Variants in KIF16B observed in about 807,000 individuals in gnomAD.
KIF16B encodes kinesin family member 16B.
Under a neutral mutation model 156.3 loss-of-function variants are expected in KIF16B, and 98 were observed. The observed-to-expected ratio is 0.63, with a 90% CI of 0.53 to 0.74. KIF16B has a LOEUF of 0.74. Ranked by LOEUF, KIF16B falls within the 30% of genes least tolerant of loss-of-function variation. KIF16B has a pLI of 0.00. For missense variants in KIF16B, 1,421 were observed against 1,606.5 expected (o/e 0.88, Z 1.97); for synonymous variants, 564 against 583.7 (o/e 0.97, Z 0.49).
chr20:16,491,121 G>A (rs1337234439), intron 12 of KIF16B, among the ~76,000 whole-genome samples: 2 of 152,156 alleles, frequency 1.3e-5, no homozygotes, highest in African/African-American at 4.8e-5. Flanking sequence ...GGGGAGGCGG[G>A]CTTCAAGATG....
intron 1 of KIF16B, among the ~76,000 whole-genome samples, chr20:16,532,828 A>C (rs2069809235): frequency 6.6e-6 from 1 of 152,202 alleles, no homozygotes; most frequent in East Asian, 1.9e-4. Context: ...CTTGCCTAGA[A>C]AACAAAGTAA....
intron 10 of KIF16B, among the ~76,000 whole-genome samples, chr20:16,504,084 T>C (rs935732839): frequency 1.3e-5 from 2 of 152,222 alleles, no homozygotes; most frequent in East Asian, 3.8e-4. Context: ...CTTAAAGAGA[T>C]TATGCCATTA....
chr20:16,515,537 AAAC>A lies in KIF16B; in HGVS notation c.348+8_348+10del. Reference sequence around the variant, plus strand: ...GAGAAATTTCCTTCCCACACAGTATAAACAACGTACAGAATTTCCCATCATAGT... The same window carrying A: ...GAGAAATTTCCTTCCCACACAGTATAAACGTACAGAATTTCCCATCATAGT... On this transcript the variant is annotated splice_region_variant and intron_variant, in intron 4 of 25. Coordinates refer to ENST00000354981, the MANE Select transcript of KIF16B (RefSeq NM_024704.5). 1 of 1,400,056 alleles carries A rather than the reference AAAC, an allele frequency of 7.1e-7. No homozygotes were observed. Among genetic ancestry groups the A allele is most frequent in the Non-Finnish European group, 1.0e-6 (1 of 985,090 alleles). 86.7% of individuals were successfully genotyped at this position (1,400,056 alleles called of 1,614,324 possible). A position where few individuals can be genotyped will look rare whatever the true frequency, so the allele number is the denominator to read the frequency against.
At chr20:16,413,666 G>A (rs955429297) in intron 15 of KIF16B, among the ~76,000 whole-genome samples, 4 of 151,992 alleles carry the variant, frequency 2.6e-5, no homozygotes, top group East Asian at 3.9e-4. Context: ...ATTCTGTTTC[G>A]AGACTCCTAG....
At chr20:16,522,346 C>G (rs1025645040) in intron 3 of KIF16B, among the ~76,000 whole-genome samples, 15 of 151,948 alleles carry the variant, frequency 9.9e-5, no homozygotes, top group Non-Finnish European at 2.2e-4. Flanking sequence ...AAATGGAAAG[C>G]AAAAAATAGC....
rs1355462090 is a variant in KIF16B at position 16,335,914 on chromosome 20, T to A, written c.3711+12A>T. 3 of 1,521,918 alleles carry A rather than the reference T, an allele frequency of 2.0e-6. No homozygotes were observed. The allele number at this position is 1,521,918 out of a possible 1,614,324, so 94.3% of individuals were successfully genotyped here. On this transcript the variant is annotated intron_variant, in intron 24 of 25. Transcript: ENST00000354981. ...AATGCTCTTAATCGGAGATAATAAT[T>A]TCATAACTTACCTCTGCATACTTTA...
chr20:16,365,857 T>A (rs2064652311), intron 22 of KIF16B, among the ~76,000 whole-genome samples: 3 of 152,114 alleles, frequency 2.0e-5, no homozygotes, highest in Admixed American at 1.3e-4. Flanking sequence ...CTCAGCTGCA[T>A]CCAACGTCCA....
intron 1 of KIF16B, among the ~76,000 whole-genome samples, chr20:16,569,235 T>C (rs2071372427): frequency 6.6e-6 from 1 of 152,170 alleles, no homozygotes; most frequent in Non-Finnish European, 1.5e-5. Context: ...CAGTTTACAG[T>C]ATTTTGTTAG....
chr20:16,292,457 G>T (rs1167359516), intron 25 of KIF16B, among the ~76,000 whole-genome samples: 1 of 152,172 alleles, frequency 6.6e-6, no homozygotes, highest in East Asian at 1.9e-4. Flanking sequence ...AAATAAAGAT[G>T]CAGTTTACAC....
At chr20:16,411,440 C>A (rs1202160682) in intron 15 of KIF16B, among the ~76,000 whole-genome samples, 1 of 152,120 alleles carries the variant, frequency 6.6e-6, no homozygotes, top group African/African-American at 2.4e-5. Flanking sequence ...CATCCTGTTT[C>A]TCTAACAGCT....
chr20:16,445,256 T>A (rs545283873), intron 12 of KIF16B, among the ~76,000 whole-genome samples: 1 of 152,154 alleles, frequency 6.6e-6, no homozygotes, highest in Non-Finnish European at 1.5e-5. Flanking sequence ...TTATTTGTTT[T>A]TATTGCCATT....
intron 7 of KIF16B, among the ~76,000 whole-genome samples, 182 bp from the exon 8 acceptor site, chr20:16,506,372 A>G (rs756793773): frequency 5.9e-5 from 9 of 152,206 alleles, no homozygotes; most frequent in Admixed American, 4.6e-4. Flanking sequence ...TCCAATGCAA[A>G]AGAAGTTACT....
At chr20:16,435,031 CT>C (rs1411241625) in intron 12 of KIF16B, among the ~76,000 whole-genome samples, 1 of 152,050 alleles carries the variant, frequency 6.6e-6, no homozygotes, top group African/African-American at 2.4e-5. Context: ...TACTTTTTAA[CT>C]TAAAAAAGTT....
chr20:16,544,578 G>T lies in KIF16B; in HGVS notation c.48-16138C>A, dbSNP rs372425585. On this transcript the variant is annotated intron_variant, in intron 1 of 25. Transcript: ENST00000354981. ...GCCAAGATCACACCATTGCACTCCA[G>T]CCTGGGTGACAAGAGTGAAAAGCCA... Among the ~76,000 whole-genome samples, 15 of 124,820 alleles carry T rather than the reference G, an allele frequency of 1.2e-4. No homozygotes were observed. In the South Asian group the frequency reaches 2.1e-3, roughly 18 times the overall value. The allele number at this position is 124,820 out of a possible 152,430, so 81.9% of individuals were successfully genotyped here. A position where few individuals can be genotyped will look rare whatever the true frequency, so the allele number is the denominator to read the frequency against.
chr20:16,513,491 T>C (rs2069027377), intron 4 of KIF16B, among the ~76,000 whole-genome samples: 1 of 152,058 alleles, frequency 6.6e-6, no homozygotes, highest in Non-Finnish European at 1.5e-5. Flanking sequence ...AAACTGTGTC[T>C]CTACTAAAAA....
At chr20:16,472,064 C>T (rs1007587927) in intron 12 of KIF16B, among the ~76,000 whole-genome samples, 1 of 152,204 alleles carries the variant, frequency 6.6e-6, no homozygotes, top group African/African-American at 2.4e-5. Flanking sequence ...CTATTGAGCA[C>T]ATTTGATCTG....
intron 15 of KIF16B, among the ~76,000 whole-genome samples, chr20:16,420,028 T>C (rs1206049429): frequency 6.6e-6 from 1 of 152,110 alleles, no homozygotes; most frequent in Non-Finnish European, 1.5e-5. Flanking sequence ...AATCACAGTG[T>C]GGAATGAGGA....
chr20:16,548,631 T>C (rs1314299638), intron 1 of KIF16B, among the ~76,000 whole-genome samples: 3 of 152,168 alleles, frequency 2.0e-5, no homozygotes, highest in South Asian at 4.1e-4. Context: ...CCTGACAGCC[T>C]GAGAGTGGGC....
intron 1 of KIF16B, among the ~76,000 whole-genome samples, chr20:16,563,151 C>CATTT (rs764147233): frequency 9.2e-5 from 14 of 152,270 alleles, no homozygotes; most frequent in Non-Finnish European, 1.6e-4. Flanking sequence ...AAAATGAATA[C>CATTT]ATTTGGAAAT....
Sources: allele counts gnomAD v4.1 joint callset (sites outside exome capture counted in the v4.1 genomes callset), GRCh38; gene constraint gnomAD v4.1.1; transcripts MANE v1.5; gene names NCBI Gene and HGNC (gene_info 2026-07-23, HGNC 2026-07-21).